The following MALRD1 variants were observed in gnomAD, a reference collection of about 807,000 sequenced individuals.
The protein encoded by MALRD1 is MAM and LDL-receptor class A domain-containing protein 1.
MALRD1 carries 247 observed loss-of-function variants against 242.1 expected under a neutral mutation model. The ratio of observed to expected loss-of-function variants is 1.02; its 90% confidence interval spans 0.92 to 1.13. The LOEUF is 1.13. Among genes scored for constraint, MALRD1 ranks in the 50% most tolerant of loss-of-function variants. MALRD1 has a pLI of 0.00. For missense variants in MALRD1, 2,989 were observed against 2,533.1 expected (o/e 1.18, Z -3.86); for synonymous variants, 995 against 866.6 (o/e 1.15, Z -2.60).
At chr10:19,071,539 T>C (rs879006822) in intron 2 of MALRD1, among the ~76,000 whole-genome samples, 2 of 152,088 alleles carry the variant, frequency 1.3e-5, no homozygotes, top group Admixed American at 1.3e-4. Flanking sequence ...ATGCCTCCTC[T>C]CTTTATCTCA....
At chr10:19,182,552 G>C (rs184928748) in intron 14 of MALRD1, among the ~76,000 whole-genome samples, 11,064 of 151,440 alleles carry the variant, frequency 0.073, 529 homozygotes, top group Non-Finnish European at 0.11. Flanking sequence ...GGATGGTCTC[G>C]ATCTCCTGAC....
At chr10:19,544,123 G>C (rs1457966552) in intron 32 of MALRD1, among the ~76,000 whole-genome samples, 2 of 139,058 alleles carry the variant, frequency 1.4e-5, no homozygotes, top group Non-Finnish European at 2.9e-5. Flanking sequence ...TCTTTTGGTT[G>C]TGTGTTTTCT....
chr10:19,463,238 G>T (rs2131103834), intron 29 of MALRD1, among the ~76,000 whole-genome samples: 1 of 152,092 alleles, frequency 6.6e-6, no homozygotes, highest in Middle Eastern at 3.4e-3. Flanking sequence ...GTTCTTTAGT[G>T]GTGATTTGAG....
chr10:19,215,456 G>A (rs578094899), intron 18 of MALRD1, among the ~76,000 whole-genome samples: 102 of 152,134 alleles, frequency 6.7e-4, no homozygotes, highest in Admixed American at 1.6e-3. Flanking sequence ...CCCTGTGGAC[G>A]TCATCTTCCA....
At chr10:19,638,772 C>G (rs993046006) in intron 36 of MALRD1, among the ~76,000 whole-genome samples, 4 of 152,144 alleles carry the variant, frequency 2.6e-5, no homozygotes, top group African/African-American at 9.7e-5. Flanking sequence ...AGAAGATTGT[C>G]TGTGGAAGCT....
intron 31 of MALRD1, among the ~76,000 whole-genome samples, chr10:19,523,344 C>T (rs943823981): frequency 2.0e-5 from 3 of 152,142 alleles, no homozygotes; most frequent in Non-Finnish European, 4.4e-5. Flanking sequence ...AACTATTCTT[C>T]TGTTCTTACT....
intron 19 of MALRD1, among the ~76,000 whole-genome samples, chr10:19,271,823 A>G (rs1245263999): frequency 2.0e-5 from 3 of 152,206 alleles, no homozygotes; most frequent in African/African-American, 7.2e-5. Context: ...AGAAACTGTG[A>G]GAGGATATTT....
chr10:19,479,344 G>C (rs911553270), intron 29 of MALRD1, among the ~76,000 whole-genome samples: 1 of 152,216 alleles, frequency 6.6e-6, no homozygotes, highest in African/African-American at 2.4e-5. Context: ...AGGCACGTCA[G>C]ATAATTCTTC....
chr10:19,299,156 G>T (rs1841835253), intron 21 of MALRD1, among the ~76,000 whole-genome samples: 1 of 151,746 alleles, frequency 6.6e-6, no homozygotes, highest in Non-Finnish European at 1.5e-5. Context: ...ATGAATATAG[G>T]CTATATGAAA....
At chr10:19,600,575 A>G (rs1838297862) in intron 34 of MALRD1, among the ~76,000 whole-genome samples, 1 of 152,222 alleles carries the variant, frequency 6.6e-6, no homozygotes, top group Non-Finnish European at 1.5e-5. Context: ...CTCATAGCCC[A>G]AGACCATAGT....
intron 21 of MALRD1, among the ~76,000 whole-genome samples, chr10:19,292,814 A>G (rs778860140): frequency 1.2e-3 from 185 of 148,960 alleles, no homozygotes; most frequent in Non-Finnish European, 1.6e-3. Flanking sequence ...AATGGTGTGA[A>G]CCTGGGAGGC....
intron 24 of MALRD1, among the ~76,000 whole-genome samples, chr10:19,346,033 C>T (rs1386274711): frequency 6.6e-6 from 1 of 152,074 alleles, no homozygotes; most frequent in Non-Finnish European, 1.5e-5. Flanking sequence ...GATCCTCCCA[C>T]CTTAGCCTCC....
intron 36 of MALRD1, among the ~76,000 whole-genome samples, chr10:19,623,849 G>GAC (rs140161365): frequency 0.057 from 8,611 of 152,034 alleles, 707 homozygotes; most frequent in African/African-American, 0.19. Context: ...CATCCTCACA[G>GAC]ACACTCAGAA....
chr10:19,341,247 T>G (rs906955141), intron 24 of MALRD1, among the ~76,000 whole-genome samples: 1 of 151,726 alleles, frequency 6.6e-6, no homozygotes, highest in African/African-American at 2.4e-5. Flanking sequence ...TTATTGAAGG[T>G]TTTGAGAAAC....
At chr10:19,667,387 C>A (rs1164825108) in intron 36 of MALRD1, among the ~76,000 whole-genome samples, 1 of 152,104 alleles carries the variant, frequency 6.6e-6, no homozygotes, top group African/African-American at 2.4e-5. Context: ...TCCTTTGGGG[C>A]TGCTGTAACA....
At chr10:19,566,415 A>G (rs992951440) in intron 32 of MALRD1, among the ~76,000 whole-genome samples, 2 of 150,324 alleles carry the variant, frequency 1.3e-5, no homozygotes, top group South Asian at 2.1e-4. Context: ...CTGGGATTAC[A>G]GGCGTGAGCC....
intron 39 of MALRD1, among the ~76,000 whole-genome samples, chr10:19,731,542 C>T (rs1177114665): frequency 6.6e-6 from 1 of 150,868 alleles, no homozygotes; most frequent in Non-Finnish European, 1.5e-5. Flanking sequence ...TAGGATCTCT[C>T]TTAGCAAATT....
intron 28 of MALRD1, among the ~76,000 whole-genome samples, chr10:19,432,013 G>T (rs1234661819): frequency 6.6e-6 from 1 of 151,742 alleles, no homozygotes; most frequent in Non-Finnish European, 1.5e-5. Context: ...TCTCCTTCAG[G>T]AACCAAATAT....
At chr10:19,566,618 G>A (rs1836269114) in intron 32 of MALRD1, among the ~76,000 whole-genome samples, 1 of 150,866 alleles carries the variant, frequency 6.6e-6, no homozygotes, top group African/African-American at 2.4e-5. Context: ...AAAAAGGGTT[G>A]TATAACTGAT....
Sources: gnomAD v4.1 joint callset for allele counts (sites outside exome capture counted in the v4.1 genomes callset) on GRCh38, gnomAD v4.1.1 for gene constraint, MANE v1.5 for transcripts, NCBI Gene and HGNC (gene_info 2026-07-23, HGNC 2026-07-21) for gene names.